DNAH11: variants seen among roughly 807,000 people sequenced by gnomAD.
DNAH11 encodes dynein axonemal heavy chain 11.
Under a neutral mutation model 526.0 loss-of-function variants are expected in DNAH11, and 442 were observed. The observed-to-expected ratio is 0.84, with a 90% CI of 0.78 to 0.91. The LOEUF is 0.91. DNAH11 is among the 40% of genes least tolerant of loss of function. The probability of loss-of-function intolerance (pLI) is 0.00; values close to 1 mark genes in which losing one functional copy is unlikely to be tolerated. For synonymous variants in DNAH11, 2,461 were observed against 1,935.9 expected (o/e 1.27, Z -7.12); for missense variants, 6,989 against 5,448.7 (o/e 1.28, Z -8.90).
Position 21,735,927 on chromosome 7 carries a change from C to A in DNAH11, c.7645+83C>A, listed in dbSNP as rs138448158. The A allele has an allele frequency of 1.2e-4, 156 of 1,268,480 alleles. No individual in the cohort carries two copies. The East Asian group carries it at 3.0e-3, about 25-fold the overall frequency. 78.6% of individuals were successfully genotyped at this position (1,268,480 alleles called of 1,614,324 possible). A position where few individuals can be genotyped will look rare whatever the true frequency, so the allele number is the denominator to read the frequency against. On this transcript the variant is annotated intron_variant, in intron 46 of 81. Transcript: ENST00000409508. ...CATGCAGCCCAAAAGACTAATAATG[C>A]CTTTCCCTAGAATTTAGAGTTGTTG... is the stretch of plus-strand genomic sequence containing the variant.
At chr7:21,845,615 G>A (rs1044188096) in intron 66 of DNAH11, among the ~76,000 whole-genome samples, 13 of 151,802 alleles carry the variant, frequency 8.6e-5, no homozygotes, top group African/African-American at 2.2e-4. Flanking sequence ...ATATCACACC[G>A]CCTTGATTAC....
At chr7:21,883,785 A>G (rs1784019349) in intron 75 of DNAH11, among the ~76,000 whole-genome samples, 1 of 152,140 alleles carries the variant, frequency 6.6e-6, no homozygotes, top group African/African-American at 2.4e-5. Context: ...CAAGCCTGTA[A>G]ATCCCAGTAC....
At chr7:21,576,615 A>G (rs1583495753) in intron 8 of DNAH11, among the ~76,000 whole-genome samples, 2 of 152,328 alleles carry the variant, frequency 1.3e-5, no homozygotes, top group East Asian at 3.9e-4. Flanking sequence ...TGCTTCTCAG[A>G]ATATTTTAGG....
At chr7:21,675,352 C>T (rs1006158030) in intron 30 of DNAH11, among the ~76,000 whole-genome samples, 4 of 152,214 alleles carry the variant, frequency 2.6e-5, no homozygotes, top group African/African-American at 7.2e-5. Flanking sequence ...CAGGCTGCTT[C>T]CTGTGGCATA....
chr7:21,620,375 C>A (rs1237024181), intron 25 of DNAH11, among the ~76,000 whole-genome samples: 3 of 152,086 alleles, frequency 2.0e-5, no homozygotes, highest in Non-Finnish European at 4.4e-5. Context: ...TGATCAACAG[C>A]TCCTCTTGCC....
chr7:21,643,619 A>G (rs905189983), intron 28 of DNAH11, among the ~76,000 whole-genome samples: 1 of 152,218 alleles, frequency 6.6e-6, no homozygotes, highest in Admixed American at 6.5e-5. Context: ...TTTAAATCCA[A>G]AAATTGATAT....
intron 32 of DNAH11, among the ~76,000 whole-genome samples, chr7:21,686,614 T>C (rs1031029718): frequency 6.6e-6 from 1 of 152,154 alleles, no homozygotes; most frequent in Admixed American, 6.5e-5. Flanking sequence ...TATATTGAAA[T>C]AGGTATATGT....
chr7:21,861,824 C>T lies in DNAH11; in HGVS notation c.11203-29C>T, dbSNP rs762369811. 5 of 1,609,198 alleles carry T rather than the reference C, an allele frequency of 3.1e-6. No individual in the cohort carries two copies. In the East Asian group the frequency reaches 6.7e-5, roughly 22 times the overall value. On this transcript the variant is annotated intron_variant, in intron 68 of 81. Transcript: ENST00000409508. ...CTAGACATCCAGGCACCAGTTGTCA[C>T]ATTTTAATGGTCACATTAAATTTCC...
intron 28 of DNAH11, among the ~76,000 whole-genome samples, chr7:21,654,023 C>G (rs1272910015): frequency 4.2e-4 from 64 of 152,158 alleles, no homozygotes; most frequent in Non-Finnish European, 2.9e-5. Flanking sequence ...CGCCTGTATG[C>G]TTGGAAATGT....
At chr7:21,733,242 G>A (rs185254273) in intron 45 of DNAH11, among the ~76,000 whole-genome samples, 2 of 152,290 alleles carry the variant, frequency 1.3e-5, no homozygotes, top group South Asian at 2.1e-4. Flanking sequence ...CAAAAAATTA[G>A]CTGGGTATGG....
In DNAH11 at chr7:21,842,641, C is replaced by G; in HGVS notation, c.10789C>G (p.Gln3597Glu). 1.2e-6 allele frequency: 2 copies of G among 1,613,964 alleles called. No individual in the cohort carries two copies. The highest frequency in any genetic ancestry group is 1.7e-6 in the Non-Finnish European group (2 of 1,179,862). ...AAATCCTCACTATAAGCCGGAATTA[C>G]AAGCTCAGACAACTCTCCTCAATTT... ...LANPHYKPEL[Q>E]AQTTLLNFTV... The change falls in exon 66 of 82, where the codon CAA becomes GAA. Residue 3597 changes from glutamine to glutamate, a missense_variant. Coordinates refer to ENST00000409508, the MANE Select transcript of DNAH11 (RefSeq NM_001277115.2).
intron 64 of DNAH11, among the ~76,000 whole-genome samples, 168 bp downstream of exon 64, chr7:21,816,870 A>C (rs895055996): frequency 1.3e-5 from 2 of 152,194 alleles, no homozygotes; most frequent in African/African-American, 4.8e-5. Flanking sequence ...TCTCTGTTGA[A>C]AAGGCATTCT....
At chr7:21,732,203 C>T (rs1785415354) in intron 45 of DNAH11, among the ~76,000 whole-genome samples, 1 of 152,174 alleles carries the variant, frequency 6.6e-6, no homozygotes, top group Admixed American at 6.5e-5. Flanking sequence ...TTCAAGGTGT[C>T]AGCAAGTTTG....
Position 21,894,926 on chromosome 7 carries a change from G to A in DNAH11, c.12976G>A (p.Ala4326Thr). The change falls in exon 79 of 82, where the codon GCA becomes ACA. Residue 4326 changes from alanine to threonine, a missense_variant. Coordinates refer to ENST00000409508, the MANE Select transcript of DNAH11 (RefSeq NM_001277115.2). Reference protein sequence around the residue: ...LSPAVEAQQFALSYDTVPDTW... With the variant: ...LSPAVEAQQFTLSYDTVPDTW... Reference sequence around the variant, plus strand: ...TCCTGCTGTGGAAGCCCAGCAGTTTGCATTGAGTTATGACACGGTACCAGA... The same window carrying A: ...TCCTGCTGTGGAAGCCCAGCAGTTTACATTGAGTTATGACACGGTACCAGA... 1 of 1,613,978 alleles carries A rather than the reference G, an allele frequency of 6.2e-7. No homozygotes were observed. The highest frequency in any genetic ancestry group is 8.5e-7 in the Non-Finnish European group (1 of 1,179,888).
chr7:21,786,754 T>G lies in DNAH11; in HGVS notation c.9728T>G (p.Val3243Gly). ...PKDRSWKAAK[V>G]FMGKVDDFLQ... ...GACCGAAGTTGGAAAGCAGCTAAAGTCTTCATGGGAAAGGTATCAGCCCAG... is the reference window on the plus strand; with the variant it reads ...GACCGAAGTTGGAAAGCAGCTAAAGGCTTCATGGGAAAGGTATCAGCCCAG... Residue 3243 changes from valine to glycine, a missense_variant, in exon 59 of 82, where the codon GTC (valine) becomes GGC (glycine). By Grantham distance (109) the Val-to-Gly change is moderately radical. Transcript: ENST00000409508. The G allele has an allele frequency of 6.2e-7, 1 of 1,613,734 alleles. No individual in the cohort carries two copies. The highest frequency in any genetic ancestry group is 8.5e-7 in the Non-Finnish European group (1 of 1,179,690).
rs71026816 is a variant in DNAH11 at position 21,728,237 on chromosome 7, CTTTTTTTTTTTTTTTTTTTTT to C, written c.7440+2271_7440+2291del. Reference sequence around the variant, plus strand: ...TCACCCATTCCAACAGCCCACAATTCTTTTTTTTTTTTTTTTTTTTTTTTTTTTTTTTTTTTTTGAGACAGA... The same window carrying C: ...TCACCCATTCCAACAGCCCACAATTCTTTTTTTTTTTTTTTTTGAGACAGA... On this transcript the variant is annotated intron_variant, in intron 45 of 81. Transcript: ENST00000409508. Among the ~76,000 whole-genome samples, 7 of 58,946 alleles carry C rather than the reference CTTTTTTTTTTTTTTTTTTTTT, an allele frequency of 1.2e-4. No homozygotes were observed. The East Asian group carries it at 2.9e-3, about 24-fold the overall frequency. 38.7% of individuals were successfully genotyped at this position (58,946 alleles called of 152,430 possible).
Position 21,683,873 on chromosome 7 carries a change from T to A in DNAH11, c.5550T>A (p.Asp1850Glu). The A allele has an allele frequency of 6.2e-7, 1 of 1,613,788 alleles. No individual in the cohort carries two copies. Among genetic ancestry groups the A allele is most frequent in the Non-Finnish European group, 8.5e-7 (1 of 1,179,742 alleles). ...AACACTGCTTTGTTAATATTTGTGA[T>A]GCCCAGTTCCAGTACTTCTATGAAT... Reference protein sequence around the residue: ...TQKHCFVNICDAQFQYFYEYL... With the variant: ...TQKHCFVNICEAQFQYFYEYL... The change falls in exon 32 of 82, where the codon GAT becomes GAA. Residue 1850 changes from aspartate (D) to glutamate (E), a missense_variant. Asp to Glu is a conservative substitution (Grantham distance 45). Coordinates refer to ENST00000409508, the MANE Select transcript of DNAH11 (RefSeq NM_001277115.2).
At chr7:21,596,715 A>T (rs557944002) in intron 14 of DNAH11, among the ~76,000 whole-genome samples, 1 of 152,234 alleles carries the variant, frequency 6.6e-6, no homozygotes, top group African/African-American at 2.4e-5. Context: ...TTGCATTGTC[A>T]TCTCAGAGAA....
At chr7:21,639,663 A>G (rs1787030073) in intron 28 of DNAH11, among the ~76,000 whole-genome samples, 1 of 152,246 alleles carries the variant, frequency 6.6e-6, no homozygotes. Flanking sequence ...AGCTCAGATC[A>G]GGGACAAACT....
Sources: gnomAD v4.1 joint callset for allele counts (sites outside exome capture counted in the v4.1 genomes callset) on GRCh38, gnomAD v4.1.1 for gene constraint, MANE v1.5 for transcripts, NCBI Gene and HGNC (gene_info 2026-07-23, HGNC 2026-07-21) for gene names.